GRIA3: variants seen among roughly 807,000 people sequenced by gnomAD.
The protein encoded by GRIA3 is glutamate ionotropic receptor AMPA type subunit 3.
Under a neutral mutation model 63.0 loss-of-function variants are expected in GRIA3, and 3 were observed. That is an observed-to-expected ratio of 0.05 (90% CI 0.02 to 0.12). GRIA3 has a LOEUF of 0.12. Among genes scored for constraint, GRIA3 ranks in the 10% least tolerant of loss-of-function variants. The pLI, the probability that GRIA3 is intolerant of heterozygous loss-of-function variation, is 1.00. For missense variants in GRIA3, 347 were observed against 700.9 expected (o/e 0.50, Z 5.70); for synonymous variants, 274 against 257.9 (o/e 1.06, Z -0.60).
At chrX:123,226,483 G>C (rs1456365485) in intron 2 of GRIA3, among the ~76,000 whole-genome samples, 1 of 111,388 alleles carries the variant, frequency 9.0e-6, no homozygotes, top group Non-Finnish European at 1.9e-5. Context: ...AAGACACTCT[G>C]AGAGTACAGA....
At chrX:123,250,792 T>C (rs921870285) in intron 2 of GRIA3, among the ~76,000 whole-genome samples, 4 of 112,337 alleles carry the variant, frequency 3.6e-5, no homozygotes, top group African/African-American at 9.7e-5. Context: ...AACAACAAAT[T>C]ATGTTTTTAG....
At chrX:123,360,799 A>C (rs1603112569) in intron 5 of GRIA3, among the ~76,000 whole-genome samples, 2 of 87,328 alleles carry the variant, frequency 2.3e-5, no homozygotes, top group African/African-American at 4.5e-5. Context: ...TTACATCCCC[A>C]TCACTCCCTG....
chrX:123,220,285 C>G (rs931017059), intron 2 of GRIA3, among the ~76,000 whole-genome samples: 1 of 112,064 alleles, frequency 8.9e-6, no homozygotes, highest in Non-Finnish European at 1.9e-5. Context: ...AACAAACAAC[C>G]CACAACAGGA....
chrX:123,261,804 C>T (rs760883521), intron 3 of GRIA3, among the ~76,000 whole-genome samples: 21 of 111,539 alleles, frequency 1.9e-4, no homozygotes, highest in South Asian at 7.6e-4. Context: ...TGTCATCATA[C>T]GAGCTAAAGA....
intron 3 of GRIA3, among the ~76,000 whole-genome samples, chrX:123,259,225 C>A (rs2044436019): frequency 9.0e-6 from 1 of 111,115 alleles, no homozygotes; most frequent in African/African-American, 3.3e-5. Flanking sequence ...GAGAAAAGGG[C>A]CTGTCCTCAG....
intron 3 of GRIA3, among the ~76,000 whole-genome samples, chrX:123,319,510 T>C (rs1368292440): frequency 1.8e-5 from 2 of 112,026 alleles, no homozygotes; most frequent in Non-Finnish European, 3.8e-5. Context: ...ACTTTCTGTG[T>C]TTTTCCAAAT....
intron 5 of GRIA3, among the ~76,000 whole-genome samples, chrX:123,363,507 T>C (rs2045190224): frequency 8.9e-6 from 1 of 112,546 alleles, no homozygotes; most frequent in South Asian, 3.7e-4. Context: ...GTCATTTGGA[T>C]CTTTGGAAGA....
intron 6 of GRIA3, 151 bp from the exon 7 acceptor site, chrX:123,398,485 G>A (rs892307187): frequency 1.5e-5 from 7 of 481,577 alleles, no homozygotes; most frequent in African/African-American, 9.5e-5. Context: ...AGAATGAATC[G>A]AATTCAGGCT....
intron 2 of GRIA3, among the ~76,000 whole-genome samples, chrX:123,199,012 C>T (rs911528408): frequency 1.8e-5 from 2 of 111,610 alleles, no homozygotes; most frequent in Non-Finnish European, 3.8e-5. Context: ...TTAATTAAGG[C>T]TGATGCGTGA....
chrX:123,295,390 C>T (rs1413062340), intron 3 of GRIA3, among the ~76,000 whole-genome samples: 1 of 111,691 alleles, frequency 9.0e-6, no homozygotes, highest in Non-Finnish European at 1.9e-5. Context: ...TAGTTAATAA[C>T]AAGCATTCTG....
intron 3 of GRIA3, among the ~76,000 whole-genome samples, chrX:123,258,663 TC>T (rs1480520550): frequency 9.0e-6 from 1 of 111,442 alleles, no homozygotes; most frequent in Admixed American, 9.5e-5. Flanking sequence ...GATGAAAGAA[TC>T]CGGCCCAGCT....
At chrX:123,437,466 TAAG>T (rs1461976982) in intron 12 of GRIA3, among the ~76,000 whole-genome samples, 1 of 110,394 alleles carries the variant, frequency 9.1e-6, no homozygotes, top group Non-Finnish European at 1.9e-5. Context: ...ACTTAAATGA[TAAG>T]AAGAGGCAGC....
At chrX:123,218,052 C>T (rs1569401187) in intron 2 of GRIA3, among the ~76,000 whole-genome samples, 1 of 112,600 alleles carries the variant, frequency 8.9e-6, no homozygotes, top group African/African-American at 3.2e-5. Flanking sequence ...TAAAGCAACA[C>T]ATAGTATGAC....
intron 5 of GRIA3, among the ~76,000 whole-genome samples, chrX:123,357,279 T>C (rs1183408686): frequency 9.1e-6 from 1 of 110,373 alleles, no homozygotes; most frequent in East Asian, 2.8e-4. Flanking sequence ...GCTAACTTAA[T>C]TCTTTGAGAC....
intron 4 of GRIA3, among the ~76,000 whole-genome samples, chrX:123,353,054 C>A (rs201794810): frequency 2.9e-5 from 3 of 103,976 alleles, no homozygotes; most frequent in Admixed American, 1.0e-4. Context: ...CACACACACA[C>A]AAACACACAC....
intron 10 of GRIA3, 101 bp from the exon 11 acceptor site, chrX:123,417,301 G>A (rs1055583156): frequency 2.9e-6 from 2 of 694,394 alleles, no homozygotes; most frequent in African/African-American, 4.3e-5. Context: ...AAAGATTTAG[G>A]ACTTGATATT....
At chrX:123,295,004 G>A (rs1395399903) in intron 3 of GRIA3, among the ~76,000 whole-genome samples, 1 of 111,684 alleles carries the variant, frequency 9.0e-6, no homozygotes, top group Non-Finnish European at 1.9e-5. Flanking sequence ...ATTCAACTGG[G>A]ATTCAAACAG....
intron 6 of GRIA3, among the ~76,000 whole-genome samples, 177 bp downstream of exon 6, chrX:123,395,306 A>C (rs1160261515): frequency 1.8e-5 from 2 of 112,419 alleles, no homozygotes; most frequent in Non-Finnish European, 3.8e-5. Context: ...CCCTGAATAA[A>C]GAAGCTGTTG....
intron 3 of GRIA3, among the ~76,000 whole-genome samples, chrX:123,294,854 C>A (rs1391947001): frequency 3.6e-5 from 4 of 111,770 alleles, no homozygotes; most frequent in African/African-American, 1.3e-4. Flanking sequence ...TTCCTTCTTC[C>A]ACAAGTGTAC....
Sources: allele counts gnomAD v4.1 joint callset (sites outside exome capture counted in the v4.1 genomes callset), GRCh38; gene constraint gnomAD v4.1.1; transcripts MANE v1.5; gene names NCBI Gene and HGNC (gene_info 2026-07-23, HGNC 2026-07-21).